The following PARM1 variants were observed in gnomAD, a reference collection of about 807,000 sequenced individuals.
The protein encoded by PARM1 is WSC4, cell wall integrity and stress response component 4 homolog.
Under a neutral mutation model 24.6 loss-of-function variants are expected in PARM1, and 14 were observed. The observed-to-expected ratio is 0.57, with a 90% CI of 0.38 to 0.89. PARM1 has a LOEUF of 0.89. Among genes scored for constraint, PARM1 ranks in the 40% least tolerant of loss-of-function variants. PARM1 has a pLI of 0.00. For missense variants in PARM1, 362 were observed against 380.4 expected (o/e 0.95, Z 0.40); for synonymous variants, 179 against 156.6 (o/e 1.14, Z -1.07).
At position 74,933,213 on chromosome 4, in the gene PARM1, C is replaced by G. The variant is rs1721102796; in HGVS notation, c.-115C>G. The G allele has an allele frequency of 1.2e-6, 1 of 854,396 alleles. No homozygotes were observed. Among genetic ancestry groups the G allele is most frequent in the Admixed American group, 2.1e-5 (1 of 48,154 alleles). 52.9% of individuals were successfully genotyped at this position (854,396 alleles called of 1,614,324 possible). ...CTCCACTGGAGCTGTTCGCGCCTCC[C>G]GGCTCCCACCGCAGCCCACCCGGCA... On this transcript the variant is annotated 5_prime_UTR_variant, in exon 1 of 4. Coordinates refer to ENST00000307428, the MANE Select transcript of PARM1 (RefSeq NM_015393.4).
At chr4:74,966,903 G>A (rs1196560701) in intron 1 of PARM1, 2 of 152,134 alleles carry the variant, frequency 1.3e-5, no homozygotes, top group Admixed American at 6.5e-5. Flanking sequence ...TTGGTTTGTG[G>A]TCCTGGAGAC....
chr4:75,016,903 C>A (rs1261361284), intron 2 of PARM1, among the ~76,000 whole-genome samples: 1 of 152,114 alleles, frequency 6.6e-6, no homozygotes, highest in South Asian at 2.1e-4. Context: ...GTATAGCCAG[C>A]TGTCAGCCAA....
chr4:74,979,693 T>A (rs1722211922), intron 1 of PARM1, among the ~76,000 whole-genome samples: 1 of 152,108 alleles, frequency 6.6e-6, no homozygotes, highest in African/African-American at 2.4e-5. Flanking sequence ...ACATCCCTGA[T>A]GAACATCAAT....
chr4:74,980,429 A>T (rs1722226402), intron 1 of PARM1, among the ~76,000 whole-genome samples: 1 of 152,188 alleles, frequency 6.6e-6, no homozygotes, highest in Admixed American at 6.5e-5. Context: ...GGACCACTTC[A>T]AGCAGAACTA....
At chr4:75,029,595 A>C (rs903185312) in intron 2 of PARM1, among the ~76,000 whole-genome samples, 2 of 152,204 alleles carry the variant, frequency 1.3e-5, no homozygotes, top group African/African-American at 4.8e-5. Flanking sequence ...CTGTGAGTCC[A>C]TTAAACCTTT....
chr4:74,952,647 T>C lies in PARM1; in HGVS notation c.43+19277T>C, dbSNP rs112090015. On this transcript the variant is annotated intron_variant, in intron 1 of 3. Transcript: ENST00000307428. ...CCAGTTTCAGTTTTCTGCATATGGC[T>C]AGCCAGTTTTCCTAACAACATTAAA... is the stretch of plus-strand genomic sequence containing the variant. Among the ~76,000 whole-genome samples, 1,039 of 152,342 alleles carry C rather than the reference T, an allele frequency of 6.8e-3. 13 individuals are homozygous for C. The highest frequency in any genetic ancestry group is 0.024 in the African/African-American group (980 of 41,584).
chr4:75,036,468 A>C (rs1353844921), intron 3 of PARM1, among the ~76,000 whole-genome samples: 1 of 152,200 alleles, frequency 6.6e-6, no homozygotes, highest in African/African-American at 2.4e-5. Flanking sequence ...AAATAAGGGC[A>C]GTAGTTTCTA....
chr4:74,939,825 A>C (rs1266678056), intron 1 of PARM1, among the ~76,000 whole-genome samples: 2 of 152,248 alleles, frequency 1.3e-5, no homozygotes, highest in African/African-American at 4.8e-5. Context: ...AAAAATATTA[A>C]GATAAATTAC....
At chr4:75,017,190 C>G (rs1723004609) in intron 2 of PARM1, among the ~76,000 whole-genome samples, 1 of 152,124 alleles carries the variant, frequency 6.6e-6, no homozygotes, top group Non-Finnish European at 1.5e-5. Context: ...TTCACTGCAC[C>G]CTTGTCGGGC....
intron 1 of PARM1, among the ~76,000 whole-genome samples, chr4:74,996,034 GA>G (rs756877781): frequency 6.8e-4 from 103 of 152,018 alleles, no homozygotes; most frequent in Admixed American, 2.4e-3. Flanking sequence ...TTTAAAGTTG[GA>G]AATATTATTC....
At chr4:74,945,594 G>T (rs750357512) in intron 1 of PARM1, among the ~76,000 whole-genome samples, 1 of 152,144 alleles carries the variant, frequency 6.6e-6, no homozygotes, top group Non-Finnish European at 1.5e-5. Flanking sequence ...CATTGATCAG[G>T]ATAACCACCT....
intron 1 of PARM1, among the ~76,000 whole-genome samples, chr4:74,938,615 C>T (rs538055709): frequency 5.3e-5 from 8 of 152,176 alleles, no homozygotes; most frequent in South Asian, 4.2e-4. Flanking sequence ...ATCTGCAAGC[C>T]GGGCAACTAT....
chr4:74,994,076 T>C (rs1323422167), intron 1 of PARM1: 3 of 152,008 alleles, frequency 2.0e-5, no homozygotes, highest in Non-Finnish European at 4.4e-5. Context: ...GGGAAGGAAT[T>C]AAAGTGGAGT....
At chr4:74,990,619 T>G (rs1374295887) in intron 1 of PARM1, among the ~76,000 whole-genome samples, 3 of 152,106 alleles carry the variant, frequency 2.0e-5, no homozygotes, top group Non-Finnish European at 2.9e-5. Context: ...TGCTACTGGC[T>G]GAGTTGGGAA....
intron 1 of PARM1, chr4:74,956,447 T>G (rs1721636105): frequency 6.6e-6 from 1 of 152,038 alleles, no homozygotes; most frequent in African/African-American, 2.4e-5. Flanking sequence ...GACTTGGAAG[T>G]TTTTTCTGAA....
intron 1 of PARM1, among the ~76,000 whole-genome samples, chr4:74,984,470 C>T (rs147564667): frequency 1.2e-3 from 178 of 152,216 alleles, no homozygotes; most frequent in African/African-American, 3.9e-3. Flanking sequence ...GGTACCATGT[C>T]GGGAAGCCTG....
intron 2 of PARM1, among the ~76,000 whole-genome samples, chr4:75,023,972 A>T (rs1723133940): frequency 6.6e-6 from 1 of 152,198 alleles, no homozygotes; most frequent in Non-Finnish European, 1.5e-5. Flanking sequence ...TAAACACAGT[A>T]TTCAAAAGCA....
chr4:75,012,747 G>T lies in PARM1; in HGVS notation c.366G>T (p.Leu122Phe). 6.2e-7 allele frequency: 1 copy of T among 1,613,958 alleles called. No individual in the cohort carries two copies. The highest frequency in any genetic ancestry group is 2.2e-5 in the East Asian group (1 of 44,886). ...GTGGAGTCCACTTAACAACCACGTT[G>T]GAGGAACACAGCTCGGGCACTCCTG... Reference protein sequence around the residue: ...TSGGVHLTTTLEEHSSGTPEA... With the variant: ...TSGGVHLTTTFEEHSSGTPEA... Residue 122 changes from leucine (L) to phenylalanine (F), a missense_variant, in exon 2 of 4, where the codon TTG becomes TTT. By Grantham distance (22) the Leu-to-Phe change is conservative. Transcript: ENST00000307428.
chr4:74,980,203 A>G (rs1017433019), intron 1 of PARM1, among the ~76,000 whole-genome samples: 3 of 152,202 alleles, frequency 2.0e-5, no homozygotes, highest in African/African-American at 7.2e-5. Context: ...GCATGATCCT[A>G]TATCTAGAAA....
Sources: gnomAD v4.1 joint callset for allele counts (sites outside exome capture counted in the v4.1 genomes callset) on GRCh38, gnomAD v4.1.1 for gene constraint, MANE v1.5 for transcripts, NCBI Gene and HGNC (gene_info 2026-07-23, HGNC 2026-07-21) for gene names.